Variants in OPTN observed in about 807,000 individuals in gnomAD.
The protein encoded by OPTN is optineurin.
Under a neutral mutation model 70.4 loss-of-function variants are expected in OPTN, and 54 were observed. That is an observed-to-expected ratio of 0.77 (90% CI 0.62 to 0.96). The LOEUF is 0.96. Among genes scored for constraint, OPTN ranks in the 40% least tolerant of loss-of-function variants. OPTN has a pLI of 0.00. For synonymous variants in OPTN, 256 were observed against 248.5 expected, an observed-to-expected ratio of 1.03 and a Z score of -0.28; for missense variants, 624 against 673.2, an observed-to-expected ratio of 0.93 and a Z score of 0.81.
chr10:13,104,915 G>T (rs954654310), intron 1 of OPTN: 33 of 271,394 alleles, frequency 1.2e-4, no homozygotes, highest in African/African-American at 7.3e-4. Context: ...GCCAGAAAGA[G>T]GTGCAGTGGC....
At chr10:13,102,684 T>G (rs1397570646) in intron 1 of OPTN, among the ~76,000 whole-genome samples, 4 of 152,206 alleles carry the variant, frequency 2.6e-5, no homozygotes, top group Non-Finnish European at 4.4e-5. Flanking sequence ...GGCTCATGCC[T>G]GTAATCCCAG....
At position 13,125,463 on chromosome 10, in the gene OPTN, G is replaced by C. The variant is rs1588447668; in HGVS notation, c.1044G>C (p.Leu348Phe). 8 of 1,614,088 alleles carry C rather than the reference G, an allele frequency of 5.0e-6. No individual in the cohort carries two copies. The highest frequency in any genetic ancestry group is 6.8e-6 in the Non-Finnish European group (8 of 1,179,994). Residue 348 changes from leucine (L) to phenylalanine (F), a missense_variant, in exon 10 of 15, where the codon TTG becomes TTC. Transcript: ENST00000378747. ...AAAATTCTGCAATTCCATCAGAGTT[G>C]AATGAAAAGCAAGAGCTTGTTTATA... ...ERKNSAIPSELNEKQELVYTN... is the reference protein window; with the variant it reads ...ERKNSAIPSEFNEKQELVYTN...
Position 13,122,438 on chromosome 10 carries a change from CAG to C in OPTN, c.836_837del (p.Glu279GlyfsTer8), listed in dbSNP as rs1241244538. ...AATCGTTCTGAGATTGAAACCCAGA[CAG>C]AGGGGAGCACAGAGAAAGAGAATGA... On this transcript the variant is annotated frameshift_variant, in exon 8 of 15. Coordinates refer to ENST00000378747, the MANE Select transcript of OPTN (RefSeq NM_001008212.2). LOFTEE classifies it high-confidence loss of function. The C allele has an allele frequency of 1.2e-6, 2 of 1,614,062 alleles. No individual in the cohort carries two copies. Among genetic ancestry groups the C allele is most frequent in the African/African-American group, 1.3e-5 (1 of 75,032 alleles).
At position 13,132,721 on chromosome 10, in the gene OPTN, C is replaced by T. The variant is rs546853920; in HGVS notation, c.1532+524C>T. Reference sequence around the variant, plus strand: ...GTGTCCCAATGACCTATCTTGCCATCGTCACGGATGAAATATTCGTAGCAC... The same window carrying T: ...GTGTCCCAATGACCTATCTTGCCATTGTCACGGATGAAATATTCGTAGCAC... On this transcript the variant is annotated intron_variant, in intron 13 of 14. Transcript: ENST00000378747. Among the ~76,000 whole-genome samples the T allele has an allele frequency of 4.2e-4, 64 of 152,138 alleles. 1 individual carries two copies. The highest frequency in any genetic ancestry group is 8.8e-5 in the Non-Finnish European group (6 of 67,994).
chr10:13,124,224 C>A (rs1226700360), intron 9 of OPTN, 114 bp downstream of exon 9: 4 of 649,616 alleles, frequency 6.2e-6, no homozygotes, highest in Admixed American at 5.3e-5. Context: ...AAAATAGACA[C>A]CTAATTAAAA....
chr10:13,126,070 C>A (rs1833453173), intron 11 of OPTN, 31 bp downstream of exon 11: 3 of 1,273,764 alleles, frequency 2.4e-6, no homozygotes, highest in South Asian at 1.2e-5. Context: ...CTTCCATAGC[C>A]TAGTAATGAA....
chr10:13,111,095 A>G (rs1202226499), intron 4 of OPTN, among the ~76,000 whole-genome samples: 1 of 152,126 alleles, frequency 6.6e-6, no homozygotes, highest in Non-Finnish European at 1.5e-5. Context: ...TGAAATCCCC[A>G]CTGGGCGTGG....
rs184958644 is a variant in OPTN, at chr10:13,116,075, C to T, written c.553-192C>T. On this transcript the variant is annotated intron_variant, in intron 5 of 14. Coordinates refer to ENST00000378747, the MANE Select transcript of OPTN (RefSeq NM_001008212.2). ...TGGGATATTTATAATCCCGACAGGGCGTGCCAGGTGAGGGGAGGGTACGTT... is the reference window on the plus strand; with the variant it reads ...TGGGATATTTATAATCCCGACAGGGTGTGCCAGGTGAGGGGAGGGTACGTT... Among the ~76,000 whole-genome samples, 13 of 152,222 alleles carry T rather than the reference C, an allele frequency of 8.5e-5. No individual in the cohort carries two copies. In the South Asian group the frequency reaches 1.5e-3, roughly 17 times the overall value.
intron 7 of OPTN, among the ~76,000 whole-genome samples, chr10:13,120,352 C>T (rs751791375): frequency 5.3e-5 from 8 of 152,124 alleles, no homozygotes; most frequent in Non-Finnish European, 8.8e-5. Flanking sequence ...ATTTGCAGCA[C>T]ATTTGTTTTT....
intron 12 of OPTN, among the ~76,000 whole-genome samples, chr10:13,130,568 C>G (rs572056495): frequency 2.9e-4 from 44 of 151,582 alleles, no homozygotes; most frequent in Non-Finnish European, 5.6e-4. Context: ...TTAAGTCATA[C>G]TCCAAAACAC....
At position 13,114,853 on chromosome 10, in the gene OPTN, ATATATTCTACAATTATATAATTGTAT is replaced by A. The variant is rs1469571939; in HGVS notation, c.553-1408_553-1383del. Among the ~76,000 whole-genome samples, 4 of 77,068 alleles carry A rather than the reference ATATATTCTACAATTATATAATTGTAT, an allele frequency of 5.2e-5. 2 individuals are homozygous for A. 50.6% of individuals were successfully genotyped at this position (77,068 alleles called of 152,430 possible). A position where few individuals can be genotyped will look rare whatever the true frequency, so the allele number is the denominator to read the frequency against. Reference sequence around the variant, plus strand: ...AATTATATAATTATATAATTGTATAATATATTCTACAATTATATAATTGTATTATATACACTTACATATGTATCTGT... The same window carrying A: ...AATTATATAATTATATAATTGTATAATATATACACTTACATATGTATCTGT... On this transcript the variant is annotated intron_variant, in intron 5 of 14. Transcript: ENST00000378747.
At chr10:13,116,186 C>G (rs1833203486) in intron 5 of OPTN, 81 bp from the exon 6 acceptor site, 1 of 986,940 alleles carries the variant, frequency 1.0e-6, no homozygotes, top group African/African-American at 1.6e-5. Flanking sequence ...AAAAATTCAT[C>G]TTTTGTCTTT....
intron 1 of OPTN, among the ~76,000 whole-genome samples, chr10:13,107,287 A>G (rs943667641): frequency 6.6e-6 from 1 of 151,672 alleles, no homozygotes; most frequent in Non-Finnish European, 1.5e-5. Flanking sequence ...AGTCAGGAGA[A>G]TCACTTGAAC....
chr10:13,119,981 CTTTTT>C lies in OPTN; in HGVS notation c.779+956_779+960del, dbSNP rs35284693. On this transcript the variant is annotated intron_variant, in intron 7 of 14. Coordinates refer to ENST00000378747, the MANE Select transcript of OPTN (RefSeq NM_001008212.2). ...TATATGATCTGCAACTATTTTCTTT[CTTTTT>C]TTTTTTTTTTTTTTGAGACGGAGTC... Among the ~76,000 whole-genome samples the C allele has an allele frequency of 2.3e-4, 27 of 117,610 alleles. No individual in the cohort carries two copies. The East Asian group carries it at 6.3e-3, about 28-fold the overall frequency. 77.2% of individuals were successfully genotyped at this position (117,610 alleles called of 152,430 possible).
At chr10:13,125,667 T>A (rs1000219415) in intron 10 of OPTN, 100 bp downstream of exon 10, 21 of 1,485,730 alleles carry the variant, frequency 1.4e-5, no homozygotes, top group African/African-American at 4.2e-5. Flanking sequence ...TTTTAAAAAA[T>A]TTCTTTTTCA....
At chr10:13,124,506 T>C (rs1202567444) in intron 9 of OPTN, among the ~76,000 whole-genome samples, 1 of 152,246 alleles carries the variant, frequency 6.6e-6, no homozygotes, top group Non-Finnish European at 1.5e-5. Context: ...AATTTCAATT[T>C]GTTATTTCAA....
rs1833728765 is a variant in OPTN at position 13,137,811 on chromosome 10, C to G, written c.*945C>G. 8.8e-6 allele frequency: 2 copies of G among 227,660 alleles called. No homozygotes were observed. The highest frequency in any genetic ancestry group is 3.6e-4 in the South Asian group (2 of 5,496). 14.1% of individuals were successfully genotyped at this position (227,660 alleles called of 1,614,324 possible). A position where few individuals can be genotyped will look rare whatever the true frequency, so the allele number is the denominator to read the frequency against. ...CTCATTGGATTTCTTTACCCATTCACAGTGTAAAGAAGTTACCTTCATGCT... is the reference window on the plus strand; with the variant it reads ...CTCATTGGATTTCTTTACCCATTCAGAGTGTAAAGAAGTTACCTTCATGCT... On this transcript the variant is annotated 3_prime_UTR_variant, in exon 15 of 15. Coordinates refer to ENST00000378747, the MANE Select transcript of OPTN (RefSeq NM_001008212.2).
At chr10:13,119,924 T>G (rs1239306373) in intron 7 of OPTN, among the ~76,000 whole-genome samples, 1 of 152,186 alleles carries the variant, frequency 6.6e-6, no homozygotes, top group Non-Finnish European at 1.5e-5. Flanking sequence ...TAAGAGTTCA[T>G]TTTACATTCT....
At chr10:13,111,097 T>G (rs1481797385) in intron 4 of OPTN, among the ~76,000 whole-genome samples, 1 of 152,178 alleles carries the variant, frequency 6.6e-6, no homozygotes, top group African/African-American at 2.4e-5. Context: ...AAATCCCCAC[T>G]GGGCGTGGTT....
Sources: allele counts gnomAD v4.1 joint callset (sites outside exome capture counted in the v4.1 genomes callset), GRCh38; gene constraint gnomAD v4.1.1; transcripts MANE v1.5; gene names NCBI Gene and HGNC (gene_info 2026-07-23, HGNC 2026-07-21).